Variants in OR2C1 observed in about 807,000 individuals in gnomAD.
The protein encoded by OR2C1 is olfactory receptor 2C1.
For synonymous variants in OR2C1, 209 were observed against 167.3 expected (o/e 1.25, Z -1.92); for missense variants, 468 against 388.3 (o/e 1.21, Z -1.73).
At chr16:3,342,959 T>A in the OR2C1 span, among the ~76,000 whole-genome samples, 2 of 152,192 alleles carry the variant, frequency 1.3e-5, no homozygotes, top group African/African-American at 4.8e-5. Flanking sequence ...TGCTGAGTGA[T>A]AATAGCCAAT....
chr16:3,329,201 C>CAG, the OR2C1 span, among the ~76,000 whole-genome samples: 1 of 148,818 alleles, frequency 6.7e-6, no homozygotes, highest in Non-Finnish European at 1.5e-5. Flanking sequence ...CACACACACA[C>CAG]ACACACACAC....
At chr16:3,343,990 G>A in the OR2C1 span, among the ~76,000 whole-genome samples, 2 of 152,150 alleles carry the variant, frequency 1.3e-5, no homozygotes, top group East Asian at 1.9e-4. Flanking sequence ...AGGCCAATGT[G>A]GGGGGATCAC....
chr16:3,355,066 G>A (rs1308143645), upstream of OR2C1, among the ~76,000 whole-genome samples: 1 of 152,108 alleles, frequency 6.6e-6, no homozygotes, highest in Non-Finnish European at 1.5e-5. Context: ...TTGTCATCAT[G>A]AGGCACTTCC....
the OR2C1 span, among the ~76,000 whole-genome samples, chr16:3,326,919 G>C: frequency 6.6e-6 from 1 of 152,156 alleles, no homozygotes; most frequent in Non-Finnish European, 1.5e-5. Flanking sequence ...GTAGGATCAA[G>C]CATCACCTCA....
chr16:3,332,453 C>A, the OR2C1 span, among the ~76,000 whole-genome samples: 8 of 151,824 alleles, frequency 5.3e-5, no homozygotes, highest in Non-Finnish European at 1.2e-4. Context: ...AACACTAGTT[C>A]TTATTTTTTC....
chr16:3,326,584 A>G, the OR2C1 span, among the ~76,000 whole-genome samples: 2 of 151,980 alleles, frequency 1.3e-5, no homozygotes, highest in Admixed American at 6.5e-5. Flanking sequence ...CTCTCTGTCA[A>G]TCCTGATTCC....
At chr16:3,336,645 G>C in the OR2C1 span, among the ~76,000 whole-genome samples, 2 of 148,506 alleles carry the variant, frequency 1.3e-5, no homozygotes, top group African/African-American at 5.0e-5. Flanking sequence ...ACAGGTGCGA[G>C]CTACCACACC....
Position 3,356,845 on chromosome 16 carries a change from G to C in OR2C1, c.905G>C (p.Arg302Thr). ...AACATGGAAGTGAAGGGCGCACTGA[G>C]GAGGTTGCTGGGGAAAGGAAGAGAA... ...LRNMEVKGAL[R>T]RLLGKGREVG Residue 302 changes from arginine (R) to threonine (T), a missense_variant, in exon 1 of 1, where the codon AGG (arginine) becomes ACG (threonine). Physicochemically the swap from Arg to Thr is moderately conservative, Grantham distance 71 (BLOSUM62 -1). Coordinates refer to ENST00000304936, the MANE Select transcript of OR2C1 (RefSeq NM_012368.3). 6.2e-7 allele frequency: 1 copy of C among 1,605,748 alleles called. No individual in the cohort carries two copies. The highest frequency in any genetic ancestry group is 1.1e-5 in the South Asian group (1 of 90,072).
the OR2C1 span, among the ~76,000 whole-genome samples, chr16:3,342,971 C>T: frequency 0.079 from 11,959 of 152,164 alleles, 647 homozygotes; most frequent in African/African-American, 0.15. Context: ...ATAGCCAATC[C>T]AAGAAGGTTA....
At chr16:3,337,355 G>C in the OR2C1 span, among the ~76,000 whole-genome samples, 89 of 151,460 alleles carry the variant, frequency 5.9e-4, 1 homozygote, top group African/African-American at 2.1e-3. Flanking sequence ...TTTTAATAGA[G>C]ACGGGGTTTC....
upstream of OR2C1, among the ~76,000 whole-genome samples, chr16:3,353,693 T>A (rs542761506): frequency 4.6e-5 from 7 of 151,544 alleles, no homozygotes; most frequent in East Asian, 1.4e-3. Context: ...CCCAGCTACT[T>A]GGTTGGCTGA....
chr16:3,328,567 T>C, the OR2C1 span, among the ~76,000 whole-genome samples: 1 of 152,186 alleles, frequency 6.6e-6, no homozygotes, highest in African/African-American at 2.4e-5. Flanking sequence ...ACCTGTCTCC[T>C]GGGAGGACAA....
At chr16:3,326,186 C>G in the OR2C1 span, among the ~76,000 whole-genome samples, 1 of 151,986 alleles carries the variant, frequency 6.6e-6, no homozygotes, top group Non-Finnish European at 1.5e-5. Flanking sequence ...GCCTCGCCCT[C>G]CCAAAGTGCT....
At position 3,356,360 on chromosome 16, in the gene OR2C1, C is replaced by G; in HGVS notation, c.420C>G (p.Leu140=). 1.2e-6 allele frequency: 2 copies of G among 1,613,620 alleles called. No homozygotes were observed. Among genetic ancestry groups the G allele is most frequent in the Non-Finnish European group, 1.7e-6 (2 of 1,180,028 alleles). ...ACACCGCCATCATGAACCCCCAGCT[C>G]TGCTGGCTGCTGGCTGTGATTGCCT... The part of the protein sequence containing the change: ...LRYTAIMNPQ[L]CWLLAVIACL... Residue 140 remains leucine, a synonymous_variant, in exon 1 of 1, where the codon CTC becomes CTG. Coordinates refer to ENST00000304936, the MANE Select transcript of OR2C1 (RefSeq NM_012368.3).
the OR2C1 span, among the ~76,000 whole-genome samples, chr16:3,328,862 C>G: frequency 8.5e-5 from 13 of 152,246 alleles, no homozygotes; most frequent in African/African-American, 3.1e-4. Context: ...CTAAACTTGC[C>G]TGGTGGAGAA....
upstream of OR2C1, among the ~76,000 whole-genome samples, chr16:3,352,652 T>C (rs2030590041): frequency 6.6e-6 from 1 of 152,102 alleles, no homozygotes; most frequent in African/African-American, 2.4e-5. Context: ...GAAAAATCCC[T>C]GTTCACTTTG....
the OR2C1 span, among the ~76,000 whole-genome samples, chr16:3,328,366 G>C: frequency 1.3e-5 from 2 of 152,166 alleles, no homozygotes; most frequent in East Asian, 3.9e-4. Context: ...TTAACCTGCT[G>C]ACAAAAATTC....
the OR2C1 span, among the ~76,000 whole-genome samples, chr16:3,348,189 T>C: frequency 6.6e-6 from 1 of 152,154 alleles, no homozygotes; most frequent in African/African-American, 2.4e-5. Context: ...TAGATGCCTA[T>C]GGGACAGTGC....
At chr16:3,346,461 TC>T in the OR2C1 span, among the ~76,000 whole-genome samples, 6 of 152,010 alleles carry the variant, frequency 3.9e-5, no homozygotes, top group African/African-American at 1.2e-4. Flanking sequence ...AGACCTATGG[TC>T]CCCTTGAGTG....
Sources: gnomAD v4.1 joint callset for allele counts (sites outside exome capture counted in the v4.1 genomes callset) on GRCh38, gnomAD v4.1.1 for gene constraint, MANE v1.5 for transcripts, NCBI Gene and HGNC (gene_info 2026-07-23, HGNC 2026-07-21) for gene names.